Variants in SEL1L observed in about 807,000 individuals in gnomAD.
The protein encoded by SEL1L is SEL1L adaptor subunit of SYVN1 ubiquitin ligase.
A neutral mutation model predicts 109.8 loss-of-function variants in SEL1L; 52 were observed. That is an observed-to-expected ratio of 0.47 (90% CI 0.38 to 0.60). The LOEUF is 0.60. Ranked by LOEUF, SEL1L falls within the 20% of genes least tolerant of loss-of-function variation. The probability of loss-of-function intolerance (pLI) is 0.00; values close to 1 mark genes in which losing one functional copy is unlikely to be tolerated. For missense variants in SEL1L, 749 were observed against 962.2 expected (o/e 0.78, Z 2.93); for synonymous variants, 373 against 339.6 (o/e 1.10, Z -1.08).
intron 16 of SEL1L, among the ~76,000 whole-genome samples, chr14:81,486,779 G>A (rs1232995600): frequency 6.6e-6 from 1 of 152,060 alleles, no homozygotes; most frequent in African/African-American, 2.4e-5. Flanking sequence ...ACCACCCTAG[G>A]AGGTAAGTCC....
chr14:81,531,132 T>A (rs1385056066), intron 1 of SEL1L, among the ~76,000 whole-genome samples: 3 of 152,188 alleles, frequency 2.0e-5, no homozygotes. Context: ...TACACTAAAT[T>A]TATTTTTTAA....
intron 3 of SEL1L, among the ~76,000 whole-genome samples, chr14:81,510,510 C>G (rs201517122): frequency 7.4e-5 from 8 of 108,406 alleles, no homozygotes; most frequent in African/African-American, 2.9e-4. Flanking sequence ...CTCTCTCTCT[C>G]TCTCTATATA....
At chr14:81,477,387 G>C (rs543590741) in intron 20 of SEL1L, among the ~76,000 whole-genome samples, 7 of 151,700 alleles carry the variant, frequency 4.6e-5, no homozygotes, top group African/African-American at 7.3e-5. Flanking sequence ...ATGTGTCTGA[G>C]GAATTAAGCT....
intron 3 of SEL1L, among the ~76,000 whole-genome samples, chr14:81,510,957 A>G (rs1479042124): frequency 6.6e-6 from 1 of 152,222 alleles, no homozygotes; most frequent in Non-Finnish European, 1.5e-5. Flanking sequence ...GCACCAGTAC[A>G]TATGGTTTAA....
chr14:81,503,566 G>T (rs1244819540), intron 5 of SEL1L, among the ~76,000 whole-genome samples: 1 of 151,886 alleles, frequency 6.6e-6, no homozygotes, highest in Non-Finnish European at 1.5e-5. Context: ...TAGCTATTTT[G>T]TTTTTCATAT....
At chr14:81,523,581 T>C (rs80336066) in intron 3 of SEL1L, among the ~76,000 whole-genome samples, 243 of 152,322 alleles carry the variant, frequency 1.6e-3, no homozygotes, top group African/African-American at 5.0e-3. Flanking sequence ...AGCAAATTAA[T>C]TGAACCCAAG....
At chr14:81,486,658 A>C (rs952427330) in intron 16 of SEL1L, among the ~76,000 whole-genome samples, 1 of 152,096 alleles carries the variant, frequency 6.6e-6, no homozygotes, top group African/African-American at 2.4e-5. Flanking sequence ...TAAAAAAAAA[A>C]AACAGTACAC....
At chr14:81,477,451 A>T (rs1029667281) in intron 20 of SEL1L, among the ~76,000 whole-genome samples, 1 of 152,098 alleles carries the variant, frequency 6.6e-6, no homozygotes, top group Non-Finnish European at 1.5e-5. Flanking sequence ...TGTTCTTTCC[A>T]CCAGTAATCC....
intron 4 of SEL1L, among the ~76,000 whole-genome samples, 178 bp from the exon 5 acceptor site, chr14:81,504,484 A>T (rs189092995): frequency 2.0e-4 from 28 of 142,364 alleles, no homozygotes; most frequent in Admixed American, 1.3e-3. Context: ...AAACTTAAAA[A>T]AAATATATAT....
At chr14:81,510,853 C>A (rs1262859848) in intron 3 of SEL1L, among the ~76,000 whole-genome samples, 4 of 152,076 alleles carry the variant, frequency 2.6e-5, no homozygotes, top group African/African-American at 4.8e-5. Flanking sequence ...AGACAACTGT[C>A]ATAGTGTTCA....
intron 12 of SEL1L, among the ~76,000 whole-genome samples, chr14:81,491,885 G>A (rs553394041): frequency 6.6e-6 from 1 of 152,248 alleles, no homozygotes; most frequent in South Asian, 2.1e-4. Flanking sequence ...AGCATGGAAG[G>A]AAACAGACAA....
intron 3 of SEL1L, among the ~76,000 whole-genome samples, chr14:81,524,732 G>A (rs1447532665): frequency 2.0e-5 from 3 of 152,136 alleles, no homozygotes; most frequent in Non-Finnish European, 4.4e-5. Context: ...AAATTAGCCA[G>A]GCATGGTGGT....
intron 11 of SEL1L, among the ~76,000 whole-genome samples, 196 bp from the exon 12 acceptor site, chr14:81,492,744 C>T (rs952981644): frequency 6.6e-6 from 1 of 152,108 alleles, no homozygotes; most frequent in East Asian, 1.9e-4. Flanking sequence ...AATAACAGTA[C>T]CATTTATCAT....
At chr14:81,516,181 G>A (rs1416655488) in intron 3 of SEL1L, among the ~76,000 whole-genome samples, 2 of 152,214 alleles carry the variant, frequency 1.3e-5, no homozygotes, top group African/African-American at 4.8e-5. Flanking sequence ...AGGGTGCCCA[G>A]GCCAAGCGCC....
chr14:81,511,050 A>C (rs941773719), intron 3 of SEL1L, among the ~76,000 whole-genome samples: 31 of 152,244 alleles, frequency 2.0e-4, no homozygotes, highest in African/African-American at 7.5e-4. Flanking sequence ...GGAATATGCT[A>C]TAGTAATATT....
chr14:81,514,946 G>C (rs935730395), intron 3 of SEL1L, among the ~76,000 whole-genome samples: 1 of 152,154 alleles, frequency 6.6e-6, no homozygotes, highest in Non-Finnish European at 1.5e-5. Flanking sequence ...GAAGGCAAAT[G>C]GAGTGAAATA....
intron 10 of SEL1L, among the ~76,000 whole-genome samples, chr14:81,495,835 G>GC (rs11380809): frequency 0.072 from 10,933 of 151,984 alleles, 1,225 homozygotes; most frequent in African/African-American, 0.24. Flanking sequence ...TACTTGGTAG[G>GC]TGAGGCAGGA....
chr14:81,518,168 C>T (rs1175935577), intron 3 of SEL1L, among the ~76,000 whole-genome samples: 1 of 151,440 alleles, frequency 6.6e-6, no homozygotes, highest in Non-Finnish European at 1.5e-5. Context: ...GCTGGGATTA[C>T]AGGCATGAGC....
chr14:81,499,729 GAC>G (rs1232207157), intron 6 of SEL1L, 67 bp from the exon 7 acceptor site: 2 of 1,301,690 alleles, frequency 1.5e-6, no homozygotes, highest in Admixed American at 4.4e-5. Flanking sequence ...GACACAGACA[GAC>G]ACAGTTTTAT....
Sources: gnomAD v4.1 joint callset for allele counts (sites outside exome capture counted in the v4.1 genomes callset) on GRCh38, gnomAD v4.1.1 for gene constraint, MANE v1.5 for transcripts, NCBI Gene and HGNC (gene_info 2026-07-23, HGNC 2026-07-21) for gene names.